Variants in ABCB1 observed in about 807,000 individuals in gnomAD.
ABCB1 encodes the protein ATP-dependent translocase ABCB1.
ABCB1 carries 69 observed loss-of-function variants against 142.0 expected under a neutral mutation model. The ratio of observed to expected loss-of-function variants is 0.49; its 90% CI spans 0.40 to 0.59. The LOEUF is 0.59. Ranked by LOEUF, ABCB1 falls within the 20% of genes least tolerant of loss-of-function variation. The pLI is 0.00. For synonymous variants in ABCB1, 532 were observed against 539.2 expected, an observed-to-expected ratio of 0.99 and a Z score of 0.18; for missense variants, 1,326 against 1,554.7, an observed-to-expected ratio of 0.85 and a Z score of 2.47.
chr7:87,519,744 G>A lies in ABCB1; in HGVS notation c.2787-278C>T, dbSNP rs112862063. 2.9e-4 allele frequency among the ~76,000 whole-genome samples: 44 copies of A among 152,262 alleles called. No individual in the cohort carries two copies. In the South Asian group the frequency reaches 8.1e-3, roughly 28 times the overall value. ...AATAATCCAATGACTGTAAAGAGCC[G>A]GTTAGGGATCAATAAGTAAAAGTTA... On this transcript the variant is annotated intron_variant, in intron 22 of 27. Transcript: ENST00000622132.
intron 25 of ABCB1, among the ~76,000 whole-genome samples, chr7:87,512,196 T>A (rs1273608155): frequency 6.6e-6 from 1 of 152,136 alleles, no homozygotes; most frequent in East Asian, 1.9e-4. Flanking sequence ...AAAAATTTTT[T>A]TTTTTTACTT....
At chr7:87,640,349 CTTTTTATTTTTA>C (rs886323606) in intron 1 of ABCB1, among the ~76,000 whole-genome samples, 2 of 151,432 alleles carry the variant, frequency 1.3e-5, no homozygotes, top group African/African-American at 2.4e-5. Flanking sequence ...CTTCTTTTTA[CTTTTTATTTTTA>C]TTTTTTAGAG....
At chr7:87,671,343 C>A (rs1825806597) in intron 1 of ABCB1, among the ~76,000 whole-genome samples, 1 of 152,270 alleles carries the variant, frequency 6.6e-6, no homozygotes, top group Middle Eastern at 3.4e-3. Context: ...CCCCTAGAGG[C>A]CCTGTCCAGG....
chr7:87,568,486 A>G (rs1281536807), intron 5 of ABCB1, among the ~76,000 whole-genome samples: 3 of 152,100 alleles, frequency 2.0e-5, no homozygotes, highest in Non-Finnish European at 4.4e-5. Flanking sequence ...AAACATTCTA[A>G]AATAAAATAC....
chr7:87,702,009 G>C (rs1273972968), intron 1 of ABCB1, among the ~76,000 whole-genome samples: 1 of 151,596 alleles, frequency 6.6e-6, no homozygotes, highest in African/African-American at 2.4e-5. Context: ...CAGGCGTGGT[G>C]GTGGGCACCT....
At chr7:87,707,471 C>T (rs1829705704) in intron 1 of ABCB1, among the ~76,000 whole-genome samples, 2 of 151,992 alleles carry the variant, frequency 1.3e-5, no homozygotes, top group Non-Finnish European at 2.9e-5. Context: ...CTCAGGATTT[C>T]AAGACCATTC....
chr7:87,634,873 C>T (rs1821606409), intron 1 of ABCB1, among the ~76,000 whole-genome samples: 2 of 152,088 alleles, frequency 1.3e-5, no homozygotes, highest in South Asian at 2.1e-4. Flanking sequence ...TCTAAGGATT[C>T]TTCATGCTCT....
chr7:87,546,359 TG>T (rs1217063634), intron 14 of ABCB1, among the ~76,000 whole-genome samples: 1 of 151,900 alleles, frequency 6.6e-6, no homozygotes, highest in Non-Finnish European at 1.5e-5. Context: ...GAGGCCAAGG[TG>T]GGTGGATCAC....
chr7:87,649,370 A>G (rs552438709), intron 1 of ABCB1, among the ~76,000 whole-genome samples: 4 of 152,216 alleles, frequency 2.6e-5, no homozygotes, highest in Non-Finnish European at 5.9e-5. Flanking sequence ...GCTGAGGGAG[A>G]TACATAGTTC....
intron 3 of ABCB1, among the ~76,000 whole-genome samples, chr7:87,592,131 G>A (rs1819023414): frequency 6.6e-6 from 1 of 152,212 alleles, no homozygotes; most frequent in South Asian, 2.1e-4. Flanking sequence ...ACTTTTGTGT[G>A]TGAAGGGAGC....
At chr7:87,633,272 C>T (rs1821408952) in intron 1 of ABCB1, among the ~76,000 whole-genome samples, 2 of 152,166 alleles carry the variant, frequency 1.3e-5, no homozygotes, top group African/African-American at 4.8e-5. Flanking sequence ...CAAGTTTAAT[C>T]CACAACACAT....
rs1829998741 is a variant in ABCB1 at position 87,710,732 on chromosome 7, G to T, written c.-331+2429C>A. 1.2e-5 allele frequency: 9 copies of T among 742,958 alleles called. No homozygotes were observed. In the South Asian group the frequency reaches 1.7e-4, roughly 14 times the overall value. 46.0% of individuals were successfully genotyped at this position (742,958 alleles called of 1,614,324 possible). A position where few individuals can be genotyped will look rare whatever the true frequency, so the allele number is the denominator to read the frequency against. The stretch of plus-strand genomic sequence containing the variant: ...GACTCAGAAATCAGAATAGGATGAA[G>T]AATCAATTTCTAAAATCCTCAACTG... On this transcript the variant is annotated intron_variant, in intron 1 of 28. Transcript: ENST00000265724.
chr7:87,636,151 G>T (rs920614434), intron 1 of ABCB1, among the ~76,000 whole-genome samples: 11 of 152,198 alleles, frequency 7.2e-5, no homozygotes, highest in Non-Finnish European at 1.3e-4. Flanking sequence ...TTCAGTAGAT[G>T]TGAAAGTTTT....
upstream of ABCB1, among the ~76,000 whole-genome samples, chr7:87,604,845 A>G (rs772627588): frequency 6.6e-6 from 1 of 152,182 alleles, no homozygotes; most frequent in Non-Finnish European, 1.5e-5. Context: ...ACACTTCCCC[A>G]TCTACTACAG....
At chr7:87,523,101 A>C (rs1400427631) in intron 21 of ABCB1, among the ~76,000 whole-genome samples, 1 of 152,098 alleles carries the variant, frequency 6.6e-6, no homozygotes, top group African/African-American at 2.4e-5. Flanking sequence ...AGTCAAAGAA[A>C]ACTAACTTTT....
chr7:87,528,624 T>G (rs910456007), intron 21 of ABCB1, among the ~76,000 whole-genome samples: 1 of 152,148 alleles, frequency 6.6e-6, no homozygotes, highest in African/African-American at 2.4e-5. Flanking sequence ...AGAGCACAGA[T>G]CACAGGCAGG....
chr7:87,540,432 G>GTATTTATTTATT (rs569902456), intron 18 of ABCB1, among the ~76,000 whole-genome samples: 4 of 151,968 alleles, frequency 2.6e-5, no homozygotes, highest in African/African-American at 9.7e-5. Flanking sequence ...ATACCAAACA[G>GTATTTATTTATT]TATTTATTTA....
intron 1 of ABCB1, among the ~76,000 whole-genome samples, chr7:87,681,514 A>G (rs532608862): frequency 6.6e-6 from 1 of 150,958 alleles, no homozygotes; most frequent in Non-Finnish European, 1.5e-5. Context: ...ACTACACTGT[A>G]ATCTATTAAG....
At chr7:87,524,744 AAAAAT>A (rs1250818513) in intron 21 of ABCB1, among the ~76,000 whole-genome samples, 1 of 152,138 alleles carries the variant, frequency 6.6e-6, no homozygotes, top group Admixed American at 6.5e-5. Flanking sequence ...ATAAAAATAA[AAAAAT>A]AAAATAAAAG....
Sources: allele counts gnomAD v4.1 joint callset (sites outside exome capture counted in the v4.1 genomes callset), GRCh38; gene constraint gnomAD v4.1.1; transcripts MANE v1.5; gene names NCBI Gene and HGNC (gene_info 2026-07-23, HGNC 2026-07-21).